The following IPPK variants were observed in gnomAD, a reference collection of about 807,000 sequenced individuals.
The protein encoded by IPPK is IPK1 homolog.
IPPK carries 22 observed loss-of-function variants against 64.6 expected under a neutral mutation model. The ratio of observed to expected loss-of-function variants is 0.34; its 90% CI spans 0.24 to 0.49. The LOEUF is 0.49. IPPK is among the 20% of genes least tolerant of loss of function. The pLI, the probability that IPPK is intolerant of heterozygous loss-of-function variation, is 0.99. For synonymous variants in IPPK, 262 were observed against 247.2 expected (o/e 1.06, Z -0.56); for missense variants, 532 against 630.7 (o/e 0.84, Z 1.68).
rs1172923598 is a variant in IPPK, at chr9:92,648,049, T to C, written c.504+10A>G. On this transcript the variant is annotated intron_variant, in intron 6 of 12. Transcript: ENST00000287996. ...GCTAGAGTAGCCCACAGCTGGGCATTGGCTCTCACCTTGAGGTGCTGGTGC... is the reference window on the plus strand; with the variant it reads ...GCTAGAGTAGCCCACAGCTGGGCATCGGCTCTCACCTTGAGGTGCTGGTGC... 1.2e-6 allele frequency: 2 copies of C among 1,606,910 alleles called. No individual in the cohort carries two copies. Among genetic ancestry groups the C allele is most frequent in the African/African-American group, 1.3e-5 (1 of 74,804 alleles).
intron 11 of IPPK, among the ~76,000 whole-genome samples, chr9:92,632,590 A>G (rs1465237788): frequency 6.6e-6 from 1 of 152,244 alleles, no homozygotes; most frequent in Non-Finnish European, 1.5e-5. Context: ...ACTGCTGTTT[A>G]TACCTAAATC....
chr9:92,642,840 G>C (rs2131443330), intron 6 of IPPK, 30 bp from the exon 7 acceptor site: 1 of 1,588,810 alleles, frequency 6.3e-7, no homozygotes, highest in African/African-American at 1.3e-5. Flanking sequence ...AGGGCATGAG[G>C]TGACTGGCGC....
rs913771585 is a variant in IPPK, at chr9:92,650,544, C to T, written c.293-970G>A. Among the ~76,000 whole-genome samples, 38 of 152,060 alleles carry T rather than the reference C, an allele frequency of 2.5e-4. 1 individual carries two copies. Among genetic ancestry groups the T allele is most frequent in the Admixed American group, 2.5e-3 (38 of 15,274 alleles). ...CACACTCCATATGGGAGAGTGAATA[C>T]TGCCCACACCACCCCTGAGGAGAGG... On this transcript the variant is annotated intron_variant, in intron 4 of 12. Coordinates refer to ENST00000287996, the MANE Select transcript of IPPK (RefSeq NM_022755.6).
chr9:92,615,934 G>A lies in IPPK; in HGVS notation c.1374C>T (p.Ile458=), dbSNP rs371257807. The change falls in exon 13 of 13, where the codon ATC becomes ATT. Residue 458 remains isoleucine (I), a synonymous_variant. Coordinates refer to ENST00000287996, the MANE Select transcript of IPPK (RefSeq NM_022755.6). The part of the protein sequence containing the change: ...IPHQYKLDGK[I]VNYYSKTVRA... ...GTACAGTCTTTGAATAATAGTTGAC[G>A]ATCTTGCCGTCCAGTTTATACTGAT... is the stretch of plus-strand genomic sequence containing the variant. 13 of 1,614,074 alleles carry A rather than the reference G, an allele frequency of 8.1e-6. No homozygotes were observed. Among genetic ancestry groups the A allele is most frequent in the Non-Finnish European group, 1.0e-5 (12 of 1,179,966 alleles).
At chr9:92,658,040 G>C (rs1376989783) in intron 2 of IPPK, among the ~76,000 whole-genome samples, 1 of 152,194 alleles carries the variant, frequency 6.6e-6, no homozygotes, top group Non-Finnish European at 1.5e-5. Flanking sequence ...ATCAGATGGG[G>C]AGCAGAGAAG....
At chr9:92,646,276 C>T (rs545177951) in intron 6 of IPPK, among the ~76,000 whole-genome samples, 1 of 152,214 alleles carries the variant, frequency 6.6e-6, no homozygotes, top group East Asian at 1.9e-4. Flanking sequence ...CCAACTAGAC[C>T]GAACACATCT....
chr9:92,665,024 C>T (rs190069237), intron 1 of IPPK, among the ~76,000 whole-genome samples: 5 of 152,232 alleles, frequency 3.3e-5, no homozygotes, highest in South Asian at 2.1e-4. Context: ...GACCTCATCA[C>T]GCAACTGCAG....
chr9:92,619,287 ATCTG>A (rs1215708838), intron 12 of IPPK, 195 bp downstream of exon 12: 3 of 566,060 alleles, frequency 5.3e-6, no homozygotes, highest in Non-Finnish European at 6.3e-6. Context: ...TTCTCCATAA[ATCTG>A]TCTTTTGACT....
rs146778136 is a variant in IPPK at position 92,660,682 on chromosome 9, C to A, written c.82-2001G>T. Among the ~76,000 whole-genome samples, 1,023 of 152,258 alleles carry A rather than the reference C, an allele frequency of 6.7e-3. 9 individuals carry two copies. Among genetic ancestry groups the A allele is most frequent in the Middle Eastern group, 0.027 (8 of 294 alleles). ...AATACCAACTACAAGAACACAGGAC[C>A]CCCCTCCCCTGGCAGCATTCACCTG... is the stretch of plus-strand genomic sequence containing the variant. On this transcript the variant is annotated intron_variant, in intron 1 of 12. Coordinates refer to ENST00000287996, the MANE Select transcript of IPPK (RefSeq NM_022755.6).
At chr9:92,667,736 T>C (rs532422731) in intron 1 of IPPK, among the ~76,000 whole-genome samples, 1 of 149,518 alleles carries the variant, frequency 6.7e-6, no homozygotes, top group South Asian at 2.1e-4. Flanking sequence ...CTGGCTAACG[T>C]GGTGAAATAC....
intron 11 of IPPK, among the ~76,000 whole-genome samples, chr9:92,629,740 T>C (rs1851800684): frequency 6.7e-6 from 1 of 149,008 alleles, no homozygotes; most frequent in African/African-American, 2.5e-5. Flanking sequence ...GCAAAGGATC[T>C]GAATAGACAT....
At chr9:92,634,102 G>A (rs117035120) in intron 11 of IPPK, among the ~76,000 whole-genome samples, 5,507 of 152,326 alleles carry the variant, frequency 0.036, 140 homozygotes, top group Middle Eastern at 0.075. Flanking sequence ...GGGCTGCTGA[G>A]AAGGCATGCA....
In IPPK at chr9:92,642,826, C is replaced by G. The variant is rs1852078756; in HGVS notation, c.505-16G>C. Reference sequence around the variant, plus strand: ...CAGTTGCTACCTGTGAAAACACCAACAGGAGGGCATGAGGTGACTGGCGCT... The same window carrying G: ...CAGTTGCTACCTGTGAAAACACCAAGAGGAGGGCATGAGGTGACTGGCGCT... On this transcript the variant is annotated splice_polypyrimidine_tract_variant and intron_variant, in intron 6 of 12. Transcript: ENST00000287996. 1 of 1,611,272 alleles carries G rather than the reference C, an allele frequency of 6.2e-7. No homozygotes were observed. Among genetic ancestry groups the G allele is most frequent in the Admixed American group, 1.7e-5 (1 of 60,016 alleles).
Position 92,670,114 on chromosome 9 carries a change from G to C in IPPK, c.-126C>G, listed in dbSNP as rs1324399344. The C allele has an allele frequency of 1.3e-5, 8 of 594,862 alleles. No individual in the cohort carries two copies. The highest frequency in any genetic ancestry group is 4.4e-4 in the Middle Eastern group (1 of 2,290). The allele number at this position is 594,862 out of a possible 1,614,324, so 36.8% of individuals were successfully genotyped here. A position where few individuals can be genotyped will look rare whatever the true frequency, so the allele number is the denominator to read the frequency against. On this transcript the variant is annotated 5_prime_UTR_variant, in exon 1 of 13. Transcript: ENST00000287996. ...CGCCTGTCAGCTGCCGCCCCCGCTC[G>C]ACCCCGCCGCGGCGACTAGCAAGCT...
Position 92,619,527 on chromosome 9 carries a change from G to GCAGT in IPPK, c.1205_1208dup (p.Cys403Ter), listed in dbSNP as rs1564026428. ...AGGGAGACAGTGCAATCATGATGGAGCAGTCCTTGGCAGTCATGGCGACGC... is the reference window on the plus strand; with the variant it reads ...AGGGAGACAGTGCAATCATGATGGAGCAGTCAGTCCTTGGCAGTCATGGCGACGC... On this transcript the variant is annotated stop_gained and frameshift_variant, in exon 12 of 13. Coordinates refer to ENST00000287996, the MANE Select transcript of IPPK (RefSeq NM_022755.6). LOFTEE classifies it high-confidence loss of function. 6.3e-7 allele frequency: 1 copy of GCAGT among 1,591,550 alleles called. No homozygotes were observed. The highest frequency in any genetic ancestry group is 1.3e-5 in the African/African-American group (1 of 74,806).
intron 8 of IPPK, among the ~76,000 whole-genome samples, chr9:92,639,153 A>G (rs1324733788): frequency 1.3e-5 from 2 of 152,190 alleles, no homozygotes; most frequent in African/African-American, 4.8e-5. Context: ...GGCTCAAGCA[A>G]TCCTTCCACC....
Position 92,648,123 on chromosome 9 carries a change from G to A in IPPK, c.440C>T (p.Ser147Leu), listed in dbSNP as rs770600700. The A allele has an allele frequency of 1.4e-5, 22 of 1,613,294 alleles. No homozygotes were observed. The highest frequency in any genetic ancestry group is 6.7e-5 in the Admixed American group (4 of 59,920). Residue 147 changes from serine to leucine, a missense_variant, in exon 6 of 13, where the codon TCG becomes TTG. Physicochemically the swap from Ser to Leu is moderately radical, Grantham distance 145. Coordinates refer to ENST00000287996, the MANE Select transcript of IPPK (RefSeq NM_022755.6). The part of the protein sequence containing the change: ...IKPKCGFIPF[S>L]SDVTHEMKHK... The stretch of plus-strand genomic sequence containing the variant: ...CTTCATCTCATGCGTGACATCACTC[G>A]AGAAAGGAATAAACCCACATTTTGG...
In IPPK at chr9:92,619,553, G is replaced by A. The variant is rs906092670; in HGVS notation, c.1183C>T (p.Arg395Cys). Reference protein sequence around the residue: ...AFALTKVQQYRVAMTAKDCSI... With the variant: ...AFALTKVQQYCVAMTAKDCSI... ...CAGTCCTTGGCAGTCATGGCGACGCGGTACTGCTGCACCTGCAGGGGCGGG... is the reference window on the plus strand; with the variant it reads ...CAGTCCTTGGCAGTCATGGCGACGCAGTACTGCTGCACCTGCAGGGGCGGG... The change falls in exon 12 of 13, where the codon CGC becomes TGC. Residue 395 changes from arginine (R) to cysteine (C), a missense_variant. Physicochemically the swap from Arg to Cys is radical, Grantham distance 180. Coordinates refer to ENST00000287996, the MANE Select transcript of IPPK (RefSeq NM_022755.6). 3.8e-6 allele frequency: 6 copies of A among 1,584,824 alleles called. No homozygotes were observed. In the Admixed American group the frequency reaches 5.5e-5, roughly 14 times the overall value.
At chr9:92,620,558 C>T (rs1325995068) in intron 11 of IPPK, 2 of 152,252 alleles carry the variant, frequency 1.3e-5, no homozygotes, top group African/African-American at 4.8e-5. Flanking sequence ...TCACTGGCCT[C>T]AATATTTGTA....
Sources: allele counts gnomAD v4.1 joint callset (sites outside exome capture counted in the v4.1 genomes callset), GRCh38; gene constraint gnomAD v4.1.1; transcripts MANE v1.5; gene names NCBI Gene and HGNC (gene_info 2026-07-23, HGNC 2026-07-21).